Variants in CCSER1 observed in about 807,000 individuals in gnomAD.
CCSER1 encodes coiled-coil serine rich protein 1.
In CCSER1, 41 loss-of-function variants were observed where a neutral mutation model predicts 82.0. The observed-to-expected ratio is 0.50, with a 90% CI of 0.39 to 0.65. The LOEUF is 0.65. CCSER1 is among the 30% of genes least tolerant of loss of function. CCSER1 has a pLI of 0.00. For synonymous variants in CCSER1, 414 were observed against 383.9 expected (o/e 1.08, Z -0.92); for missense variants, 1,119 against 1,064.2 (o/e 1.05, Z -0.72).
At chr4:91,544,260 G>A (rs115412802) in intron 10 of CCSER1, among the ~76,000 whole-genome samples, 315 of 152,184 alleles carry the variant, frequency 2.1e-3, no homozygotes, top group Middle Eastern at 3.4e-3. Flanking sequence ...TCCTCCTTTA[G>A]CTCGGAGAAG....
chr4:91,270,545 AT>A (rs1337439755), intron 10 of CCSER1, among the ~76,000 whole-genome samples: 1 of 152,094 alleles, frequency 6.6e-6, no homozygotes, highest in Non-Finnish European at 1.5e-5. Flanking sequence ...TACAGGTCTA[AT>A]TTACAGTGAA....
intron 6 of CCSER1, among the ~76,000 whole-genome samples, chr4:90,654,242 A>T (rs1729300774): frequency 6.6e-6 from 1 of 152,138 alleles, no homozygotes; most frequent in Non-Finnish European, 1.5e-5. Context: ...GCTTTATTTA[A>T]CAACACTTAA....
At chr4:90,369,645 T>C (rs1455682291) in intron 3 of CCSER1, among the ~76,000 whole-genome samples, 1 of 152,004 alleles carries the variant, frequency 6.6e-6, no homozygotes, top group African/African-American at 2.4e-5. Flanking sequence ...GGGAGTGTAC[T>C]AATATAAATG....
chr4:90,483,824 C>T (rs2153599856), intron 5 of CCSER1, among the ~76,000 whole-genome samples: 1 of 152,310 alleles, frequency 6.6e-6, no homozygotes, highest in East Asian at 1.9e-4. Context: ...TTCATTTCAA[C>T]ATTGGTGAAT....
At chr4:91,291,180 G>T (rs536535505) in intron 10 of CCSER1, among the ~76,000 whole-genome samples, 19 of 151,974 alleles carry the variant, frequency 1.3e-4, no homozygotes, top group Non-Finnish European at 2.5e-4. Context: ...ATTAAAGCTT[G>T]CAGATAGGTA....
chr4:90,356,420 T>G (rs1744384668), intron 3 of CCSER1, among the ~76,000 whole-genome samples: 1 of 151,792 alleles, frequency 6.6e-6, no homozygotes, highest in African/African-American at 2.4e-5. Flanking sequence ...GACAACTATA[T>G]GTATTTTATG....
At chr4:90,498,205 G>T (rs1219932382) in intron 5 of CCSER1, among the ~76,000 whole-genome samples, 1 of 152,140 alleles carries the variant, frequency 6.6e-6, no homozygotes, top group East Asian at 1.9e-4. Flanking sequence ...ATTAGGCACA[G>T]TTGGAGATTG....
chr4:90,843,105 G>A (rs931360510), intron 8 of CCSER1, among the ~76,000 whole-genome samples: 1 of 152,042 alleles, frequency 6.6e-6, no homozygotes, highest in South Asian at 2.1e-4. Context: ...TTTTCACCAC[G>A]GATTATTTGC....
chr4:91,577,523 G>A (rs1309978317), intron 10 of CCSER1, among the ~76,000 whole-genome samples: 1 of 151,866 alleles, frequency 6.6e-6, no homozygotes, highest in African/African-American at 2.4e-5. Flanking sequence ...ATCACCAGGA[G>A]GAAGCAAATT....
chr4:90,599,905 G>T (rs1207107283), intron 5 of CCSER1, among the ~76,000 whole-genome samples: 2 of 152,138 alleles, frequency 1.3e-5, no homozygotes, highest in Non-Finnish European at 2.9e-5. Context: ...CACAGCCACT[G>T]CTTAGTTTTC....
At chr4:90,147,387 C>T (rs1726009523) in intron 1 of CCSER1, among the ~76,000 whole-genome samples, 1 of 152,118 alleles carries the variant, frequency 6.6e-6, no homozygotes, top group Non-Finnish European at 1.5e-5. Context: ...ATTTATATAA[C>T]TGCTTATTAG....
chr4:90,326,055 C>CTTTTTT (rs371592827), intron 3 of CCSER1, among the ~76,000 whole-genome samples: 5 of 111,588 alleles, frequency 4.5e-5, no homozygotes, highest in Admixed American at 1.1e-4. Context: ...TATGTGATAC[C>CTTTTTT]TTTTTTTTTT....
intron 7 of CCSER1, among the ~76,000 whole-genome samples, chr4:90,748,951 G>C (rs1419035736): frequency 6.7e-6 from 1 of 149,922 alleles, no homozygotes; most frequent in African/African-American, 2.5e-5. Context: ...TTTGTCAGAT[G>C]AGTAGGTTGC....
chr4:90,417,009 G>A (rs1431474369), intron 4 of CCSER1, among the ~76,000 whole-genome samples: 1 of 152,114 alleles, frequency 6.6e-6, no homozygotes, highest in African/African-American at 2.4e-5. Flanking sequence ...GAGAACACGT[G>A]GACACACGCA....
chr4:91,236,541 C>A (rs1739025722), intron 10 of CCSER1, among the ~76,000 whole-genome samples: 1 of 151,944 alleles, frequency 6.6e-6, no homozygotes, highest in South Asian at 2.1e-4. Flanking sequence ...TTAGCCTATG[C>A]AGTGTTCTAT....
At chr4:91,023,001 G>C (rs1197131553) in intron 9 of CCSER1, among the ~76,000 whole-genome samples, 1 of 152,058 alleles carries the variant, frequency 6.6e-6, no homozygotes, top group Admixed American at 6.5e-5. Flanking sequence ...CTGTGCAGAA[G>C]CTCTTTAGTT....
intron 10 of CCSER1, among the ~76,000 whole-genome samples, chr4:91,176,926 T>C (rs1733442899): frequency 6.6e-6 from 1 of 152,224 alleles, no homozygotes; most frequent in Admixed American, 6.5e-5. Flanking sequence ...TTCCAGTTTT[T>C]GCCTATTTAG....
At chr4:91,292,356 T>G (rs1314268741) in intron 10 of CCSER1, among the ~76,000 whole-genome samples, 2 of 152,170 alleles carry the variant, frequency 1.3e-5, no homozygotes, top group South Asian at 2.1e-4. Flanking sequence ...CAAAAGACAC[T>G]GAATTTTTAT....
At chr4:90,429,609 T>G (rs1375026458) in intron 4 of CCSER1, among the ~76,000 whole-genome samples, 2 of 151,862 alleles carry the variant, frequency 1.3e-5, no homozygotes, top group African/African-American at 4.8e-5. Flanking sequence ...TGTAAATTGT[T>G]ACAAACTGAA....
Sources: gnomAD v4.1 joint callset for allele counts (sites outside exome capture counted in the v4.1 genomes callset) on GRCh38, gnomAD v4.1.1 for gene constraint, MANE v1.5 for transcripts, NCBI Gene and HGNC (gene_info 2026-07-23, HGNC 2026-07-21) for gene names.